Variants in SLCO3A1 observed in about 807,000 individuals in gnomAD.
SLCO3A1 encodes solute carrier organic anion transporter family member 3A1.
In SLCO3A1, 27 loss-of-function variants were observed where a neutral mutation model predicts 63.1. That is an observed-to-expected ratio of 0.43 (90% CI 0.32 to 0.59). SLCO3A1 has a LOEUF of 0.59. Among genes scored for constraint, SLCO3A1 ranks in the 20% least tolerant of loss-of-function variants. The pLI is 0.09. For missense variants in SLCO3A1, 773 were observed against 945.8 expected (o/e 0.82, Z 2.40); for synonymous variants, 473 against 409.9 (o/e 1.15, Z -1.86).
intron 7 of SLCO3A1, among the ~76,000 whole-genome samples, chr15:92,143,459 A>G (rs56310202): frequency 2.3e-4 from 1 of 4,402 alleles, no homozygotes; most frequent in Non-Finnish European, 3.7e-4. Flanking sequence ...TAATATATAT[A>G]ATATATATAA....
chr15:92,130,651 T>G (rs2151570570), intron 7 of SLCO3A1, among the ~76,000 whole-genome samples: 1 of 152,248 alleles, frequency 6.6e-6, no homozygotes, highest in African/African-American at 2.4e-5. Flanking sequence ...GTCGAGAGCC[T>G]ATTAAGGTCC....
chr15:91,917,270 C>T (rs1248541615), intron 2 of SLCO3A1, among the ~76,000 whole-genome samples: 3 of 152,150 alleles, frequency 2.0e-5, no homozygotes, highest in Non-Finnish European at 2.9e-5. Flanking sequence ...TCACTGAGTG[C>T]TAAGCTTTGA....
chr15:92,103,033 C>A (rs541433605), intron 3 of SLCO3A1, among the ~76,000 whole-genome samples: 7 of 152,308 alleles, frequency 4.6e-5, no homozygotes, highest in African/African-American at 1.4e-4. Flanking sequence ...TGCATAATGC[C>A]TGGTGCAGAG....
At chr15:91,945,985 C>T (rs1899791861) in intron 2 of SLCO3A1, among the ~76,000 whole-genome samples, 1 of 152,174 alleles carries the variant, frequency 6.6e-6, no homozygotes, top group African/African-American at 2.4e-5. Context: ...TCCCTTTTCC[C>T]TCTTATTTTG....
chr15:92,152,239 T>C (rs2048315303), intron 9 of SLCO3A1, among the ~76,000 whole-genome samples: 1 of 152,278 alleles, frequency 6.6e-6, no homozygotes, highest in Non-Finnish European at 1.5e-5. Context: ...TATTAACCTT[T>C]AGATCCATTA....
intron 2 of SLCO3A1, among the ~76,000 whole-genome samples, chr15:92,000,827 C>T (rs1219028417): frequency 6.6e-6 from 1 of 152,160 alleles, no homozygotes; most frequent in Non-Finnish European, 1.5e-5. Flanking sequence ...TGCCTGTGTG[C>T]ACACACGCTT....
rs1898121870 is a variant in SLCO3A1, at chr15:91,900,377, T to C, written c.181-15616T>C. 6.6e-6 allele frequency among the ~76,000 whole-genome samples: 1 copy of C among 152,244 alleles called. No individual in the cohort carries two copies. Among genetic ancestry groups the C allele is most frequent in the Admixed American group, 6.5e-5 (1 of 15,282 alleles). ...TGGAGTCTTGCTCTGTCACACAGGC[T>C]GGAGTGCAGTGGTGTGATCTCAGCT... On this transcript the variant is annotated intron_variant, in intron 1 of 9. Transcript: ENST00000318445. The surrounding 1 kb of genome is among the most constrained non-coding windows in gnomAD (Gnocchi z 4.3).
intron 2 of SLCO3A1, among the ~76,000 whole-genome samples, chr15:91,939,950 C>T (rs182473546): frequency 6.6e-6 from 1 of 152,288 alleles, no homozygotes; most frequent in East Asian, 1.9e-4. Context: ...GGTCACATAG[C>T]TAGAAAGTAG....
intron 7 of SLCO3A1, among the ~76,000 whole-genome samples, chr15:92,145,538 T>C (rs2048210678): frequency 6.6e-6 from 1 of 152,100 alleles, no homozygotes; most frequent in East Asian, 1.9e-4. Context: ...GTCTCTGCTG[T>C]AGGGTGGAGC....
chr15:91,881,302 T>A (rs77857631), intron 1 of SLCO3A1, among the ~76,000 whole-genome samples: 28,884 of 149,546 alleles, frequency 0.19, 3,112 homozygotes, highest in Middle Eastern at 0.31. Flanking sequence ...TTTTTTTTTT[T>A]AAATGCTCGG....
At position 92,163,240 on chromosome 15, in the gene SLCO3A1, C is replaced by T. The variant is rs376598119; in HGVS notation, c.*105C>T. On this transcript the variant is annotated 3_prime_UTR_variant, in exon 10 of 10. Coordinates refer to ENST00000318445, the MANE Select transcript of SLCO3A1 (RefSeq NM_013272.4). ...AAAACCAAAACTCAGTACACACACA[C>T]AGGCACAGATGCACACACACGCAGA... The T allele has an allele frequency of 1.4e-6, 2 of 1,430,898 alleles. No individual in the cohort carries two copies. Among genetic ancestry groups the T allele is most frequent in the Admixed American group, 2.7e-5 (1 of 37,106 alleles). 88.6% of individuals were successfully genotyped at this position (1,430,898 alleles called of 1,614,324 possible).
chr15:91,895,085 A>ATC (rs1478213344), intron 1 of SLCO3A1, among the ~76,000 whole-genome samples: 1 of 152,186 alleles, frequency 6.6e-6, no homozygotes, highest in Non-Finnish European at 1.5e-5. Flanking sequence ...GTGTAGGTAC[A>ATC]TCTCTTCAAG....
At chr15:92,088,265 T>C (rs1051605104) in intron 2 of SLCO3A1, among the ~76,000 whole-genome samples, 1 of 152,188 alleles carries the variant, frequency 6.6e-6, no homozygotes, top group African/African-American at 2.4e-5. Flanking sequence ...TAAAGAAGAA[T>C]AAAGCATCAT....
At chr15:91,858,629 C>CT (rs2141834460) in intron 1 of SLCO3A1, among the ~76,000 whole-genome samples, 1 of 152,344 alleles carries the variant, frequency 6.6e-6, no homozygotes, top group Admixed American at 6.5e-5. Context: ...CAAGAGGCCT[C>CT]TCTGCAGTGG....
chr15:92,150,001 C>T (rs1347699670), intron 8 of SLCO3A1, among the ~76,000 whole-genome samples: 2 of 152,024 alleles, frequency 1.3e-5, no homozygotes, highest in Non-Finnish European at 2.9e-5. Context: ...TGTTTCTGTC[C>T]AGAGGCACTG....
chr15:92,146,696 A>G (rs72655653), intron 7 of SLCO3A1, among the ~76,000 whole-genome samples: 3 of 152,224 alleles, frequency 2.0e-5, no homozygotes, highest in African/African-American at 7.2e-5. Context: ...CTCTAATTGT[A>G]TTGGGGGGGA....
intron 2 of SLCO3A1, among the ~76,000 whole-genome samples, chr15:92,073,681 C>G (rs750466643): frequency 6.6e-6 from 1 of 152,212 alleles, no homozygotes; most frequent in Non-Finnish European, 1.5e-5. Flanking sequence ...CATCTAGTGA[C>G]ATTTTAGAAC....
intron 1 of SLCO3A1, among the ~76,000 whole-genome samples, chr15:91,866,855 A>G (rs903675106): frequency 2.0e-5 from 3 of 152,170 alleles, no homozygotes; most frequent in African/African-American, 7.2e-5. Flanking sequence ...CAGACTAAAA[A>G]TAGAAGCAAA....
chr15:92,076,554 A>G (rs1215373121), intron 2 of SLCO3A1, among the ~76,000 whole-genome samples: 3 of 152,142 alleles, frequency 2.0e-5, no homozygotes, highest in Non-Finnish European at 4.4e-5. Context: ...CCACGGATAG[A>G]CAGTGCCCCA....
Sources: gnomAD v4.1 joint callset for allele counts (sites outside exome capture counted in the v4.1 genomes callset) on GRCh38, gnomAD v4.1.1 for gene constraint, Gnocchi (gnomAD v3.1) non-coding constraint, MANE v1.5 for transcripts, NCBI Gene and HGNC (gene_info 2026-07-23, HGNC 2026-07-21) for gene names.